Variants in RELN observed in about 807,000 individuals in gnomAD.
The protein encoded by RELN is reelin.
RELN carries 108 observed loss-of-function variants against 427.6 expected under a neutral mutation model. The ratio of observed to expected loss-of-function variants is 0.25; its 90% CI spans 0.22 to 0.30. The LOEUF (loss-of-function observed/expected upper bound fraction) is 0.30, where lower values mean the gene tolerates loss of function less well. Ranked by LOEUF, RELN falls within the 10% of genes least tolerant of loss-of-function variation. The pLI, the probability that RELN is intolerant of heterozygous loss-of-function variation, is 1.00. For synonymous variants in RELN, 1,524 were observed against 1,513.4 expected, an observed-to-expected ratio of 1.01 and a Z score of -0.16; for missense variants, 3,715 against 4,302.8, an observed-to-expected ratio of 0.86 and a Z score of 3.82.
chr7:103,919,343 A>T (rs1795562301), intron 1 of RELN, among the ~76,000 whole-genome samples: 1 of 152,042 alleles, frequency 6.6e-6, no homozygotes, highest in South Asian at 2.1e-4. Context: ...GTTTTCACTG[A>T]CTGGAACACT....
At chr7:103,748,753 T>G (rs552152070) in intron 6 of RELN, among the ~76,000 whole-genome samples, 1 of 152,248 alleles carries the variant, frequency 6.6e-6, no homozygotes, top group Non-Finnish European at 1.5e-5. Flanking sequence ...TAATTTATCT[T>G]GAACTCTTCT....
chr7:103,594,310 TAGG>T lies in RELN; in HGVS notation c.3711+8_3711+10del. 6.2e-7 allele frequency: 1 copy of T among 1,611,748 alleles called. No individual in the cohort carries two copies. The highest frequency in any genetic ancestry group is 8.5e-7 in the Non-Finnish European group (1 of 1,177,914). Reference sequence around the variant, plus strand: ...TATCTGTCTTCTTGGAGTTCAGACATAGGAGAATACCTGAGGTAAAGTTGGATT... The same window carrying T: ...TATCTGTCTTCTTGGAGTTCAGACATAGAATACCTGAGGTAAAGTTGGATT... On this transcript the variant is annotated splice_region_variant and intron_variant, in intron 26 of 64. Transcript: ENST00000428762.
chr7:103,914,353 G>C (rs1795435903), intron 2 of RELN, among the ~76,000 whole-genome samples: 1 of 151,934 alleles, frequency 6.6e-6, no homozygotes, highest in African/African-American at 2.4e-5. Flanking sequence ...ACCATCAAAT[G>C]ATGGTTCCCC....
In RELN at chr7:103,693,580, T is replaced by TAA. The variant is rs5886266; in HGVS notation, c.1143+4271_1143+4272dup. 8.5e-4 allele frequency among the ~76,000 whole-genome samples: 128 copies of TAA among 150,054 alleles called. 1 individual carries two copies. The highest frequency in any genetic ancestry group is 3.1e-3 in the African/African-American group (126 of 40,844). On this transcript the variant is annotated intron_variant, in intron 10 of 64. Transcript: ENST00000428762. ...ATAAAAAATAAAGGATGAAAAAAGG[T>TAA]AAAAAAAATTAAAAAGAAAGAAAAT...
intron 2 of RELN, among the ~76,000 whole-genome samples, chr7:103,872,955 G>A (rs2116533437): frequency 6.6e-6 from 1 of 151,602 alleles, no homozygotes; most frequent in African/African-American, 2.4e-5. Flanking sequence ...TGTAGATTCT[G>A]GATATTAGCC....
At chr7:103,622,340 G>A (rs1057292105) in intron 20 of RELN, among the ~76,000 whole-genome samples, 1 of 152,154 alleles carries the variant, frequency 6.6e-6, no homozygotes, top group African/African-American at 2.4e-5. Flanking sequence ...TCTTCAAATA[G>A]TCCATTCATC....
At chr7:103,555,635 C>T (rs1830505563) in intron 38 of RELN, among the ~76,000 whole-genome samples, 1 of 152,096 alleles carries the variant, frequency 6.6e-6, no homozygotes, top group South Asian at 2.1e-4. Flanking sequence ...CCACGCCCAG[C>T]TAATTTTTTT....
intron 3 of RELN, among the ~76,000 whole-genome samples, chr7:103,790,916 G>A (rs62480725): frequency 1.3e-4 from 19 of 151,890 alleles, no homozygotes; most frequent in Non-Finnish European, 2.1e-4. Flanking sequence ...GTGCCAGATC[G>A]CGCCACTGCA....
intron 2 of RELN, among the ~76,000 whole-genome samples, chr7:103,916,690 C>A (rs1044648711): frequency 7.9e-5 from 12 of 152,108 alleles, no homozygotes; most frequent in African/African-American, 2.9e-4. Context: ...AGATTTAACA[C>A]GACACTTTTC....
At chr7:103,891,417 A>T (rs939773173) in intron 2 of RELN, among the ~76,000 whole-genome samples, 1 of 152,180 alleles carries the variant, frequency 6.6e-6, no homozygotes, top group Non-Finnish European at 1.5e-5. Flanking sequence ...AGGAGGCCCA[A>T]TTCCAATGAG....
intron 1 of RELN, among the ~76,000 whole-genome samples, chr7:103,983,658 A>G (rs1190759021): frequency 1.3e-5 from 2 of 152,190 alleles, no homozygotes; most frequent in Non-Finnish European, 2.9e-5. Context: ...TAATCACCCC[A>G]ATGTTTTTGA....
chr7:103,724,587 A>C (rs574170083), intron 7 of RELN, among the ~76,000 whole-genome samples: 1 of 152,294 alleles, frequency 6.6e-6, no homozygotes, highest in South Asian at 2.1e-4. Flanking sequence ...CAAGTTCCAC[A>C]GCTGTGACCT....
Position 103,797,963 on chromosome 7 carries a change from C to T in RELN, c.474-21336G>A, listed in dbSNP as rs145304135. On this transcript the variant is annotated intron_variant, in intron 3 of 64. Transcript: ENST00000428762. The stretch of plus-strand genomic sequence containing the variant: ...GAAAACAACAAATCATTAATTATGG[C>T]AATAAGTCACGGATTAAAATATTTT... Among the ~76,000 whole-genome samples, 685 of 152,282 alleles carry T rather than the reference C, an allele frequency of 4.5e-3. 11 individuals are homozygous for T. The highest frequency in any genetic ancestry group is 0.016 in the African/African-American group (653 of 41,548).
At chr7:103,753,066 T>C in intron 5 of RELN, 116 bp downstream of exon 5, 1 of 1,018,994 alleles carries the variant, frequency 9.8e-7, no homozygotes. Context: ...CAGTGACTGA[T>C]CAATGATCAG....
chr7:103,479,140 C>T (rs928323676), intron 63 of RELN, among the ~76,000 whole-genome samples: 5 of 152,092 alleles, frequency 3.3e-5, no homozygotes, highest in Admixed American at 1.3e-4. Flanking sequence ...GACTTAGACA[C>T]GTACACAGGA....
chr7:103,961,173 GA>G (rs1381705401), intron 1 of RELN, among the ~76,000 whole-genome samples: 1 of 152,178 alleles, frequency 6.6e-6, no homozygotes. Flanking sequence ...AACTGTGAGA[GA>G]AAACATTTTT....
chr7:103,958,182 A>G (rs1480482183), intron 1 of RELN, among the ~76,000 whole-genome samples: 1 of 152,176 alleles, frequency 6.6e-6, no homozygotes, highest in Non-Finnish European at 1.5e-5. Flanking sequence ...TTAATGAATA[A>G]TCCCCTCCCC....
chr7:103,748,890 A>G (rs981395219), intron 6 of RELN, among the ~76,000 whole-genome samples: 1 of 152,330 alleles, frequency 6.6e-6, no homozygotes, highest in South Asian at 2.1e-4. Flanking sequence ...CAAAAATGCA[A>G]CAGATTGCCA....
chr7:103,859,682 T>C (rs1794027779), intron 2 of RELN, among the ~76,000 whole-genome samples: 1 of 152,196 alleles, frequency 6.6e-6, no homozygotes, highest in Non-Finnish European at 1.5e-5. Flanking sequence ...GCACACACTA[T>C]ATCCAATTTC....
Sources: allele counts gnomAD v4.1 joint callset (sites outside exome capture counted in the v4.1 genomes callset), GRCh38; gene constraint gnomAD v4.1.1; transcripts MANE v1.5; gene names NCBI Gene and HGNC (gene_info 2026-07-23, HGNC 2026-07-21).